Variants in ZFR observed in about 807,000 individuals in gnomAD.
ZFR encodes the protein zinc finger RNA binding protein, also known as zinc finger RNA-binding protein.
A neutral mutation model predicts 130.7 loss-of-function variants in ZFR; 19 were observed. The ratio of observed to expected loss-of-function variants is 0.15; its 90% CI spans 0.10 to 0.21. ZFR has a LOEUF of 0.21. Among genes scored for constraint, ZFR ranks in the 10% least tolerant of loss-of-function variants. The probability of loss-of-function intolerance (pLI) is 1.00; values close to 1 mark genes in which losing one functional copy is unlikely to be tolerated. For synonymous variants in ZFR, 466 were observed against 456.9 expected (o/e 1.02, Z -0.25); for missense variants, 872 against 1,321.5 (o/e 0.66, Z 5.27).
At chr5:32,418,971 G>A (rs1464012706) in intron 3 of ZFR, among the ~76,000 whole-genome samples, 2 of 152,130 alleles carry the variant, frequency 1.3e-5, no homozygotes, top group Non-Finnish European at 2.9e-5. Flanking sequence ...GGATGAATAA[G>A]GGCATGATCA....
In ZFR at chr5:32,406,924, A is replaced by T. The variant is rs139769264; in HGVS notation, c.882T>A (p.Ala294=). 47 of 1,594,070 alleles carry T rather than the reference A, an allele frequency of 2.9e-5. No homozygotes were observed. Among genetic ancestry groups the T allele is most frequent in the Non-Finnish European group, 3.8e-5 (45 of 1,169,806 alleles). The stretch of plus-strand genomic sequence containing the variant: ...AGGCAGCTGTTGCAGCAGCAGCAGC[A>T]GCTGCTGCTGCTGCCTGCTTCTGTT... ...QQQQKQAAAA[A]AAAAATAAWT... The change falls in exon 6 of 20, where the codon GCT becomes GCA. Residue 294 remains alanine (A), a synonymous_variant. Transcript: ENST00000265069.
At position 32,364,049 on chromosome 5, in the gene ZFR, C is replaced by T; in HGVS notation, c.2948-4G>A. The T allele has an allele frequency of 3.1e-6, 5 of 1,613,494 alleles. No individual in the cohort carries two copies. The highest frequency in any genetic ancestry group is 1.1e-5 in the South Asian group (1 of 91,048). On this transcript the variant is annotated splice_region_variant and splice_polypyrimidine_tract_variant and intron_variant, in intron 18 of 19. Coordinates refer to ENST00000265069, the MANE Select transcript of ZFR (RefSeq NM_016107.5). ...GGATCCAGAAGTCCAGGACTACCTA[C>T]AGCAATCACCACAGGGAGAGGAAAT...
chr5:32,435,697 T>C (rs1197672795), intron 2 of ZFR, among the ~76,000 whole-genome samples: 1 of 152,194 alleles, frequency 6.6e-6, no homozygotes, highest in Non-Finnish European at 1.5e-5. Context: ...TTCAAAGACA[T>C]GCCTTGCCCA....
chr5:32,411,217 G>A (rs1401727698), intron 5 of ZFR, among the ~76,000 whole-genome samples: 2 of 152,184 alleles, frequency 1.3e-5, no homozygotes, highest in Non-Finnish European at 2.9e-5. Context: ...GAGGAAAGAT[G>A]TGTTCAAAGA....
At position 32,395,153 on chromosome 5, in the gene ZFR, T is replaced by C; in HGVS notation, c.1979+6A>G. 2.5e-6 allele frequency: 4 copies of C among 1,588,876 alleles called. No homozygotes were observed. The highest frequency in any genetic ancestry group is 3.4e-6 in the Non-Finnish European group (4 of 1,170,224). ...TTACCAGGCTATTAAAAGTTAAAGATATTACCTCATTTCCATTCTCCAACG... is the reference window on the plus strand; with the variant it reads ...TTACCAGGCTATTAAAAGTTAAAGACATTACCTCATTTCCATTCTCCAACG... On this transcript the variant is annotated splice_donor_region_variant and intron_variant, in intron 11 of 19. Transcript: ENST00000265069.
chr5:32,424,033 C>G (rs1011533022), intron 2 of ZFR, among the ~76,000 whole-genome samples: 1 of 152,124 alleles, frequency 6.6e-6, no homozygotes, highest in African/African-American at 2.4e-5. Flanking sequence ...CCAGCTAAAA[C>G]AAAAAGTAAA....
At chr5:32,375,718 G>A (rs983497231) in intron 17 of ZFR, among the ~76,000 whole-genome samples, 1 of 152,118 alleles carries the variant, frequency 6.6e-6, no homozygotes, top group Non-Finnish European at 1.5e-5. Flanking sequence ...TGTTGCCCAA[G>A]CTGGTCTCCA....
chr5:32,372,800 A>G (rs1025941589), intron 17 of ZFR, among the ~76,000 whole-genome samples: 2 of 152,184 alleles, frequency 1.3e-5, no homozygotes, highest in Non-Finnish European at 1.5e-5. Flanking sequence ...ACACCACTGC[A>G]CTCTAGTCTG....
chr5:32,368,177 T>C (rs1189557639), intron 17 of ZFR, among the ~76,000 whole-genome samples: 1 of 152,316 alleles, frequency 6.6e-6, no homozygotes. Context: ...GCACTTTCAC[T>C]GGTGGGAGTG....
intron 11 of ZFR, among the ~76,000 whole-genome samples, 167 bp from the exon 12 acceptor site, chr5:32,390,604 AT>A (rs1753146116): frequency 1.3e-5 from 2 of 152,226 alleles, no homozygotes; most frequent in African/African-American, 4.8e-5. Context: ...TGCGAAGTAA[AT>A]GAAAGAGAAA....
intron 19 of ZFR, among the ~76,000 whole-genome samples, chr5:32,362,737 T>C (rs1312078468): frequency 1.3e-5 from 2 of 152,250 alleles, no homozygotes; most frequent in African/African-American, 4.8e-5. Context: ...GCATTGTATA[T>C]TGTGTAACTC....
chr5:32,404,149 TAA>T, intron 6 of ZFR, 52 bp from the exon 7 acceptor site: 1 of 1,462,878 alleles, frequency 6.8e-7, no homozygotes, highest in Non-Finnish European at 9.3e-7. Flanking sequence ...CTTTACACAT[TAA>T]GATTATTCAA....
chr5:32,361,216 T>G lies in ZFR; in HGVS notation c.3045+2732A>C, dbSNP rs1752423502. The stretch of plus-strand genomic sequence containing the variant: ...CTGGTTTAGTCATCCACATGGGAAT[T>G]TATTGCTCCAAAACTTTTCCCCCAA... On this transcript the variant is annotated intron_variant, in intron 19 of 19. Transcript: ENST00000265069. Among the ~76,000 whole-genome samples, 2 of 152,220 alleles carry G rather than the reference T, an allele frequency of 1.3e-5. 1 individual carries two copies. Among genetic ancestry groups the G allele is most frequent in the South Asian group, 4.1e-4 (2 of 4,830 alleles).
intron 10 of ZFR, 40 bp from the exon 11 acceptor site, chr5:32,395,344 A>C (rs1054265409): frequency 7.1e-6 from 10 of 1,411,476 alleles, no homozygotes; most frequent in South Asian, 3.1e-5. Context: ...CAGCAGCCCC[A>C]AAACAATCTA....
chr5:32,436,026 G>A (rs995542664), intron 2 of ZFR, among the ~76,000 whole-genome samples: 8 of 151,730 alleles, frequency 5.3e-5, no homozygotes, highest in African/African-American at 1.2e-4. Context: ...TAAAGCTGAC[G>A]ACCTTGCTAT....
chr5:32,424,908 T>C (rs1754040128), intron 2 of ZFR, among the ~76,000 whole-genome samples: 1 of 152,026 alleles, frequency 6.6e-6, no homozygotes, highest in South Asian at 2.1e-4. Context: ...GGGAGTGAAG[T>C]AGGGAAAGAG....
At chr5:32,417,438 T>C (rs1753851902) in intron 4 of ZFR, among the ~76,000 whole-genome samples, 1 of 152,194 alleles carries the variant, frequency 6.6e-6, no homozygotes, top group Admixed American at 6.5e-5. Flanking sequence ...GACTGTGGGC[T>C]GAAAGTCCAG....
At chr5:32,390,199 C>A in intron 12 of ZFR, 76 bp downstream of exon 12, 1 of 1,506,396 alleles carries the variant, frequency 6.6e-7, no homozygotes, top group Admixed American at 2.0e-5. Context: ...TAAACATTAG[C>A]CCCTCCAAAA....
At chr5:32,444,066 G>A (rs939299635) in intron 2 of ZFR, among the ~76,000 whole-genome samples, 163 bp downstream of exon 2, 14 of 148,280 alleles carry the variant, frequency 9.4e-5, no homozygotes, top group African/African-American at 3.4e-4. Flanking sequence ...AAGGCGGGGC[G>A]GGGCGGGGCG....
Sources: gnomAD v4.1 joint callset for allele counts (sites outside exome capture counted in the v4.1 genomes callset) on GRCh38, gnomAD v4.1.1 for gene constraint, MANE v1.5 for transcripts, NCBI Gene and HGNC (gene_info 2026-07-23, HGNC 2026-07-21) for gene names.